The following ZC3H13 variants were observed in gnomAD, a reference collection of about 807,000 sequenced individuals.
ZC3H13 encodes the protein zinc finger CCCH-type containing 13, also known as zinc finger CCCH domain-containing protein 13.
Under a neutral mutation model 204.1 loss-of-function variants are expected in ZC3H13, and 64 were observed. That is an observed-to-expected ratio of 0.31 (90% confidence interval 0.26 to 0.39). The LOEUF is 0.39. ZC3H13 is among the 10% of genes least tolerant of loss of function. The pLI is 1.00. For synonymous variants in ZC3H13, 667 were observed against 693.7 expected (o/e 0.96, Z 0.60); for missense variants, 1,833 against 2,082.7 (o/e 0.88, Z 2.33).
chr13:46,042,091 A>C, intron 4 of ZC3H13, 73 bp downstream of exon 4: 4 of 1,162,708 alleles, frequency 3.4e-6, no homozygotes, highest in Non-Finnish European at 3.9e-6. Context: ...TTTAGCACAC[A>C]ATATTTAAAA....
intron 18 of ZC3H13, 98 bp downstream of exon 18, chr13:45,959,385 T>C (rs1028024021): frequency 1.2e-5 from 15 of 1,259,196 alleles, no homozygotes; most frequent in Non-Finnish European, 1.6e-5. Flanking sequence ...ACCAAACTCA[T>C]AAAAACATAA....
chr13:45,965,253 T>C, intron 16 of ZC3H13, 27 bp downstream of exon 16: 1 of 1,609,618 alleles, frequency 6.2e-7, no homozygotes, highest in Non-Finnish European at 8.5e-7. Flanking sequence ...ATAATTTTCA[T>C]GTTTAACCAC....
chr13:45,974,479 T>C (rs1184805689), intron 12 of ZC3H13, among the ~76,000 whole-genome samples: 2 of 152,220 alleles, frequency 1.3e-5, no homozygotes, highest in Non-Finnish European at 2.9e-5. Context: ...TCCAACTTCC[T>C]AGATATTTGA....
chr13:45,976,438 C>T (rs1953054230), intron 11 of ZC3H13, among the ~76,000 whole-genome samples: 1 of 152,140 alleles, frequency 6.6e-6, no homozygotes, highest in Admixed American at 6.5e-5. Flanking sequence ...TGATGTCTAG[C>T]AATCTTGAAA....
At chr13:45,964,896 G>C (rs945930630) in intron 16 of ZC3H13, among the ~76,000 whole-genome samples, 5 of 152,130 alleles carry the variant, frequency 3.3e-5, no homozygotes, top group South Asian at 2.1e-4. Context: ...GTAAATTTTT[G>C]ACAGGTTGTT....
At chr13:45,976,200 C>T (rs893944072) in intron 11 of ZC3H13, 1 of 985,064 alleles carries the variant, frequency 1.0e-6, no homozygotes, top group African/African-American at 1.8e-5. Context: ...TTCTCTGTCC[C>T]CCCAGCAGGA....
intron 4 of ZC3H13, among the ~76,000 whole-genome samples, chr13:46,041,887 C>T (rs917295697): frequency 5.9e-5 from 9 of 151,980 alleles, no homozygotes; most frequent in South Asian, 4.2e-4. Context: ...TCATGATCCT[C>T]GTCAAGGATC....
chr13:46,046,616 C>T (rs940107108), intron 1 of ZC3H13, among the ~76,000 whole-genome samples: 1 of 150,702 alleles, frequency 6.6e-6, no homozygotes, highest in Non-Finnish European at 1.5e-5. Flanking sequence ...TGCAGTGAGC[C>T]GAGATCACAC....
intron 17 of ZC3H13, chr13:45,963,512 C>A: frequency 9.5e-7 from 1 of 1,057,838 alleles, no homozygotes; most frequent in Non-Finnish European, 1.1e-6. Context: ...GCCTCAATTT[C>A]CTGGGCTCCA....
intron 10 of ZC3H13, 31 bp from the exon 11 acceptor site, chr13:45,980,035 C>CCA (rs1172191808): frequency 2.6e-6 from 4 of 1,543,514 alleles, no homozygotes; most frequent in Non-Finnish European, 3.5e-6. Context: ...CAAATGTTTA[C>CCA]CACATACACT....
intron 10 of ZC3H13, among the ~76,000 whole-genome samples, chr13:45,982,506 T>A (rs949256383): frequency 3.3e-5 from 5 of 151,378 alleles, no homozygotes; most frequent in African/African-American, 1.2e-4. Flanking sequence ...GAGTTACATT[T>A]AAAAAAAAAT....
intron 4 of ZC3H13, among the ~76,000 whole-genome samples, chr13:46,036,739 G>T (rs1337808991): frequency 6.6e-6 from 1 of 151,770 alleles, no homozygotes; most frequent in Non-Finnish European, 1.5e-5. Flanking sequence ...GTTTTGTTTT[G>T]TTTTTTTGAG....
At chr13:45,986,361 G>C (rs1954191665) in intron 9 of ZC3H13, among the ~76,000 whole-genome samples, 1 of 152,226 alleles carries the variant, frequency 6.6e-6, no homozygotes, top group Admixed American at 6.5e-5. Context: ...GGGAGGCTGA[G>C]GTAGGAAGAT....
At chr13:45,961,104 C>T (rs1951649870) in intron 17 of ZC3H13, among the ~76,000 whole-genome samples, 3 of 152,006 alleles carry the variant, frequency 2.0e-5, no homozygotes, top group Admixed American at 2.0e-4. Flanking sequence ...CATAGTTGGA[C>T]TAGAATACCT....
chr13:45,997,894 C>T (rs867281432), intron 8 of ZC3H13, among the ~76,000 whole-genome samples: 3 of 151,930 alleles, frequency 2.0e-5, no homozygotes, highest in East Asian at 1.9e-4. Context: ...CACACACATA[C>T]ACACACACAC....
intron 4 of ZC3H13, among the ~76,000 whole-genome samples, chr13:46,029,505 T>C (rs1317580477): frequency 6.7e-6 from 1 of 148,550 alleles, no homozygotes; most frequent in Non-Finnish European, 1.5e-5. Context: ...CTCGGCTCAC[T>C]GCAAGCTCCG....
intron 4 of ZC3H13, among the ~76,000 whole-genome samples, chr13:46,040,932 A>C (rs1171088724): frequency 1.3e-5 from 2 of 152,214 alleles, no homozygotes; most frequent in Admixed American, 1.3e-4. Context: ...GTTAGATAAC[A>C]AAAGTGTTGG....
chr13:45,972,954 T>C (rs182382074), intron 12 of ZC3H13, among the ~76,000 whole-genome samples: 1 of 152,228 alleles, frequency 6.6e-6, no homozygotes, highest in East Asian at 1.9e-4. Flanking sequence ...GCCAGACACA[T>C]GAATGAGACA....
At chr13:45,968,434 T>A (rs538532952) in intron 14 of ZC3H13, among the ~76,000 whole-genome samples, 1 of 152,256 alleles carries the variant, frequency 6.6e-6, no homozygotes, top group African/African-American at 2.4e-5. Context: ...CTTGACTGCA[T>A]GAAGAATAGC....
Sources: allele counts gnomAD v4.1 joint callset (sites outside exome capture counted in the v4.1 genomes callset), GRCh38; gene constraint gnomAD v4.1.1; transcripts MANE v1.5; gene names NCBI Gene and HGNC (gene_info 2026-07-23, HGNC 2026-07-21).